Variants in SEMA3A observed in about 807,000 individuals in gnomAD.
The protein encoded by SEMA3A is semaphorin-3A.
In SEMA3A, 29 loss-of-function variants were observed where a neutral mutation model predicts 97.9. The ratio of observed to expected loss-of-function variants is 0.30; its 90% CI spans 0.22 to 0.40. The LOEUF (loss-of-function observed/expected upper bound fraction) is 0.40. Among genes scored for constraint, SEMA3A ranks in the 10% least tolerant of loss-of-function variants. The pLI, the probability that SEMA3A is intolerant of heterozygous loss-of-function variation, is 1.00. For synonymous variants in SEMA3A, 321 were observed against 323.7 expected (o/e 0.99, Z 0.09); for missense variants, 763 against 951.3 (o/e 0.80, Z 2.60).
chr7:84,380,082 A>T (rs1356641647), intron 1 of SEMA3A, among the ~76,000 whole-genome samples: 1 of 152,224 alleles, frequency 6.6e-6, no homozygotes, highest in Non-Finnish European at 1.5e-5. Context: ...TGTGCATTCA[A>T]AAAGAGTTCA....
intron 12 of SEMA3A, among the ~76,000 whole-genome samples, chr7:83,990,982 T>C: frequency 6.6e-6 from 1 of 152,186 alleles, no homozygotes; most frequent in African/African-American, 2.4e-5. Context: ...GTTTGTATCC[T>C]CTTTTATTTC....
chr7:84,204,149 C>T (rs1798429496), intron 3 of SEMA3A, among the ~76,000 whole-genome samples: 1 of 151,852 alleles, frequency 6.6e-6, no homozygotes, highest in Non-Finnish European at 1.5e-5. Context: ...GTAGTGTCTC[C>T]CAATGGTAAT....
chr7:84,117,202 T>A (rs1010143691), intron 3 of SEMA3A, among the ~76,000 whole-genome samples: 1 of 152,204 alleles, frequency 6.6e-6, no homozygotes, highest in East Asian at 1.9e-4. Context: ...ATATATCAAC[T>A]TGTAGAAATA....
chr7:84,054,945 C>G (rs1792883774), intron 5 of SEMA3A, among the ~76,000 whole-genome samples: 1 of 151,984 alleles, frequency 6.6e-6, no homozygotes, highest in Non-Finnish European at 1.5e-5. Flanking sequence ...AGCTGCAGGT[C>G]TGTTGGAGTA....
intron 6 of SEMA3A, among the ~76,000 whole-genome samples, chr7:84,039,919 C>T (rs1257631566): frequency 1.3e-5 from 2 of 152,010 alleles, no homozygotes; most frequent in East Asian, 3.9e-4. Flanking sequence ...AATATATTCT[C>T]ATAAGTCAAC....
At chr7:84,433,599 G>T (rs2116324314) in intron 1 of SEMA3A, among the ~76,000 whole-genome samples, 1 of 152,158 alleles carries the variant, frequency 6.6e-6, no homozygotes, top group Non-Finnish European at 1.5e-5. Flanking sequence ...ACCCAGTAAT[G>T]GTATTGCTGG....
chr7:84,102,623 A>C (rs1794992728), intron 4 of SEMA3A, among the ~76,000 whole-genome samples: 4 of 108,304 alleles, frequency 3.7e-5, no homozygotes, highest in East Asian at 2.9e-4. Context: ...ACAGAGTCTC[A>C]CTCTTGTTGC....
At chr7:84,066,318 T>A (rs1223912129) in intron 4 of SEMA3A, among the ~76,000 whole-genome samples, 1 of 152,048 alleles carries the variant, frequency 6.6e-6, no homozygotes, top group Non-Finnish European at 1.5e-5. Flanking sequence ...AATATCATAC[T>A]GAATGGGCAA....
intron 1 of SEMA3A, among the ~76,000 whole-genome samples, chr7:84,411,329 T>A (rs557054049): frequency 6.6e-6 from 1 of 152,192 alleles, no homozygotes; most frequent in South Asian, 2.1e-4. Flanking sequence ...CATTGGAGCA[T>A]AAACTTGAAC....
chr7:84,208,227 C>T (rs1798540199), intron 3 of SEMA3A, among the ~76,000 whole-genome samples: 1 of 151,982 alleles, frequency 6.6e-6, no homozygotes, highest in Admixed American at 6.6e-5. Context: ...CCAAGGGGGG[C>T]AGATCGTGAG....
At chr7:84,079,625 G>C (rs1358553683) in intron 4 of SEMA3A, among the ~76,000 whole-genome samples, 3 of 149,510 alleles carry the variant, frequency 2.0e-5, no homozygotes, top group Non-Finnish European at 4.4e-5. Context: ...CTGGCCATCA[G>C]AGAAATGCAA....
chr7:84,129,233 G>A (rs1182798948), intron 2 of SEMA3A, 48 bp from the exon 3 acceptor site: 2 of 1,410,154 alleles, frequency 1.4e-6, no homozygotes, highest in African/African-American at 2.8e-5. Context: ...AGTTGTCTAA[G>A]AGATCCAACA....
At chr7:84,071,533 T>C (rs1052434311) in intron 4 of SEMA3A, among the ~76,000 whole-genome samples, 1 of 152,124 alleles carries the variant, frequency 6.6e-6, no homozygotes, top group Admixed American at 6.6e-5. Context: ...TCATTCTTCA[T>C]GTATTTGGAG....
rs186766064 is a variant in SEMA3A at position 84,164,467 on chromosome 7, A to G, written c.113-29516T>C. On this transcript the variant is annotated intron_variant, in intron 1 of 16. Coordinates refer to ENST00000265362, the MANE Select transcript of SEMA3A (RefSeq NM_006080.3). ...ATCATTCCCTGGATGATAATGGGAT[A>G]ATCTTATCCCATTGGATAAGACTGT... Among the ~76,000 whole-genome samples, 708 of 152,220 alleles carry G rather than the reference A, an allele frequency of 4.7e-3. 15 individuals carry two copies. The highest frequency in any genetic ancestry group is 5.1e-3 in the Non-Finnish European group (349 of 68,014).
chr7:84,034,353 A>C (rs1484436255), intron 6 of SEMA3A, among the ~76,000 whole-genome samples: 1 of 152,180 alleles, frequency 6.6e-6, no homozygotes, highest in Non-Finnish European at 1.5e-5. Flanking sequence ...ACATGTAAAT[A>C]TTTTGCAAAT....
chr7:84,045,825 G>A (rs1376522771), intron 6 of SEMA3A, among the ~76,000 whole-genome samples: 1 of 151,836 alleles, frequency 6.6e-6, no homozygotes, highest in South Asian at 2.1e-4. Flanking sequence ...AAGATTAAAT[G>A]TGAATCAAAT....
At chr7:84,395,424 C>A (rs1378215830) in intron 1 of SEMA3A, among the ~76,000 whole-genome samples, 2 of 151,182 alleles carry the variant, frequency 1.3e-5, no homozygotes, top group Admixed American at 1.3e-4. Context: ...CATATATTAA[C>A]TATCTTAGAA....
At chr7:84,384,787 C>T (rs937614510) in intron 1 of SEMA3A, among the ~76,000 whole-genome samples, 1 of 152,132 alleles carries the variant, frequency 6.6e-6, no homozygotes, top group African/African-American at 2.4e-5. Flanking sequence ...TTTGCTCTTC[C>T]TAACCTCTGG....
intron 3 of SEMA3A, among the ~76,000 whole-genome samples, chr7:84,111,249 G>A (rs750917313): frequency 6.6e-6 from 1 of 152,096 alleles, no homozygotes. Context: ...GATCAAGCGT[G>A]GACAACAGTA....
Sources: gnomAD v4.1 joint callset for allele counts (sites outside exome capture counted in the v4.1 genomes callset) on GRCh38, gnomAD v4.1.1 for gene constraint, MANE v1.5 for transcripts, NCBI Gene and HGNC (gene_info 2026-07-23, HGNC 2026-07-21) for gene names.